The following SDK1 variants were observed in gnomAD, a reference collection of about 807,000 sequenced individuals.
SDK1 encodes sidekick cell adhesion molecule 1.
SDK1 carries 157 observed loss-of-function variants against 245.5 expected under a neutral mutation model. The ratio of observed to expected loss-of-function variants is 0.64; its 90% CI spans 0.56 to 0.73. The LOEUF (loss-of-function observed/expected upper bound fraction) is 0.73, where lower values mean the gene tolerates loss of function less well. Among genes scored for constraint, SDK1 ranks in the 30% least tolerant of loss-of-function variants. The pLI, the probability that SDK1 is intolerant of heterozygous loss-of-function variation, is 0.00. For synonymous variants in SDK1, 1,647 were observed against 1,278.5 expected, an observed-to-expected ratio of 1.29 and a Z score of -6.15; for missense variants, 3,583 against 3,002.3, an observed-to-expected ratio of 1.19 and a Z score of -4.52.
At chr7:3,736,833 T>C (rs750432421) in intron 4 of SDK1, among the ~76,000 whole-genome samples, 1 of 152,204 alleles carries the variant, frequency 6.6e-6, no homozygotes, top group Non-Finnish European at 1.5e-5. Context: ...AAACTTCAAA[T>C]GTACAATACA....
intron 35 of SDK1, among the ~76,000 whole-genome samples, chr7:4,193,221 GTA>G (rs926023899): frequency 4.2e-5 from 5 of 120,010 alleles, no homozygotes; most frequent in African/African-American, 1.6e-4. Flanking sequence ...TATATATATT[GTA>G]TATTAATTGT....
chr7:3,953,476 A>C (rs188151148), intron 7 of SDK1, among the ~76,000 whole-genome samples: 2 of 152,350 alleles, frequency 1.3e-5, no homozygotes, highest in Admixed American at 1.3e-4. Context: ...TGTAAATATC[A>C]CATCCCATTC....
intron 1 of SDK1, among the ~76,000 whole-genome samples, chr7:3,446,342 G>T (rs1466718665): frequency 1.3e-5 from 2 of 152,126 alleles, no homozygotes; most frequent in East Asian, 3.8e-4. Flanking sequence ...AAATGTTTGA[G>T]TTAAGGTATG....
chr7:3,932,740 G>A (rs576587756), intron 5 of SDK1, among the ~76,000 whole-genome samples: 19 of 152,270 alleles, frequency 1.2e-4, no homozygotes, highest in Middle Eastern at 3.4e-3. Context: ...TGCCTGGCTC[G>A]TTCTGTGGCC....
intron 44 of SDK1, among the ~76,000 whole-genome samples, chr7:4,254,159 C>CT (rs1278116839): frequency 6.6e-5 from 10 of 151,960 alleles, no homozygotes; most frequent in African/African-American, 2.2e-4. Context: ...ATTTGGGAAA[C>CT]TTTAAGTCAT....
intron 1 of SDK1, among the ~76,000 whole-genome samples, chr7:3,480,262 TG>T (rs1170127649): frequency 6.6e-6 from 1 of 151,944 alleles, no homozygotes; most frequent in African/African-American, 2.4e-5. Context: ...GAAGGGGGCG[TG>T]AAAGCTAGCG....
chr7:3,511,457 T>C (rs138319803), intron 1 of SDK1, among the ~76,000 whole-genome samples: 2 of 152,352 alleles, frequency 1.3e-5, no homozygotes, highest in Admixed American at 6.5e-5. Flanking sequence ...TTACTTACTT[T>C]AGTGCTTTAC....
chr7:3,329,431 G>A (rs1780013947), intron 1 of SDK1, among the ~76,000 whole-genome samples: 1 of 152,056 alleles, frequency 6.6e-6, no homozygotes, highest in South Asian at 2.1e-4. Flanking sequence ...TAGTTTTTAG[G>A]ATATTTAGAG....
chr7:3,686,072 C>T (rs1454883700), intron 4 of SDK1, among the ~76,000 whole-genome samples: 2 of 151,646 alleles, frequency 1.3e-5, no homozygotes, highest in Admixed American at 6.6e-5. Context: ...ATGAGGCAAA[C>T]TTTTTTTTAT....
chr7:3,968,430 C>T (rs1318748955), intron 10 of SDK1, among the ~76,000 whole-genome samples: 2 of 152,192 alleles, frequency 1.3e-5, no homozygotes, highest in South Asian at 2.1e-4. Context: ...CTTTCTCTTC[C>T]TTCTGGAAAA....
At chr7:4,264,671 G>C (rs1039305567) in intron 44 of SDK1, among the ~76,000 whole-genome samples, 2 of 146,820 alleles carry the variant, frequency 1.4e-5, no homozygotes, top group Non-Finnish European at 3.0e-5. Flanking sequence ...TCCTGAGTGA[G>C]GGAGGCTGCG....
intron 27 of SDK1, among the ~76,000 whole-genome samples, chr7:4,130,701 T>A (rs1416436994): frequency 6.6e-6 from 1 of 152,202 alleles, no homozygotes; most frequent in Non-Finnish European, 1.5e-5. Context: ...TTCATGGAAC[T>A]CTAAATCATC....
At chr7:3,568,174 C>T (rs1350208039) in intron 1 of SDK1, among the ~76,000 whole-genome samples, 1 of 152,132 alleles carries the variant, frequency 6.6e-6, no homozygotes, top group Non-Finnish European at 1.5e-5. Context: ...GAACCAGTGT[C>T]ATTATTGATA....
At chr7:4,184,507 T>G (rs1782771266) in intron 35 of SDK1, among the ~76,000 whole-genome samples, 1 of 152,224 alleles carries the variant, frequency 6.6e-6, no homozygotes, top group Non-Finnish European at 1.5e-5. Flanking sequence ...AGTCAGTATT[T>G]GGTGAATGAG....
intron 1 of SDK1, among the ~76,000 whole-genome samples, chr7:3,543,975 T>C (rs1286570790): frequency 6.6e-6 from 1 of 152,236 alleles, no homozygotes; most frequent in Admixed American, 6.5e-5. Context: ...CATAGATTAT[T>C]ATCACTGGCC....
intron 5 of SDK1, among the ~76,000 whole-genome samples, chr7:3,903,337 G>T (rs572146823): frequency 6.6e-6 from 1 of 151,936 alleles, no homozygotes; most frequent in East Asian, 1.9e-4. Context: ...TAGAGACGAG[G>T]TTTCACCGTG....
intron 1 of SDK1, among the ~76,000 whole-genome samples, chr7:3,544,993 G>C (rs200991725): frequency 6.1e-4 from 93 of 152,194 alleles, no homozygotes; most frequent in African/African-American, 1.9e-3. Context: ...ACTTCTGCCT[G>C]CCTTTCTTTT....
chr7:3,486,531 T>C lies in SDK1; in HGVS notation c.299-132549T>C, dbSNP rs574412798. On this transcript the variant is annotated intron_variant, in intron 1 of 44. Transcript: ENST00000404826. Reference sequence around the variant, plus strand: ...TCAATCTCTTGTGTTTTCTGGTAAATGCATTTTATGCTATGATTTTTTCTG... The same window carrying C: ...TCAATCTCTTGTGTTTTCTGGTAAACGCATTTTATGCTATGATTTTTTCTG... Among the ~76,000 whole-genome samples, 5 of 152,282 alleles carry C rather than the reference T, an allele frequency of 3.3e-5. No homozygotes were observed. In the East Asian group the frequency reaches 9.6e-4, roughly 29 times the overall value.
chr7:3,395,858 TTTC>T (rs1409975806), intron 1 of SDK1, among the ~76,000 whole-genome samples: 1 of 151,876 alleles, frequency 6.6e-6, no homozygotes, highest in Non-Finnish European at 1.5e-5. Flanking sequence ...TTTTTGTGGT[TTTC>T]TTTCTCTCTC....
Sources: allele counts gnomAD v4.1 joint callset (sites outside exome capture counted in the v4.1 genomes callset), GRCh38; gene constraint gnomAD v4.1.1; transcripts MANE v1.5; gene names NCBI Gene and HGNC (gene_info 2026-07-23, HGNC 2026-07-21).